Variants in ADAMTS13 observed in about 807,000 individuals in gnomAD.
ADAMTS13 encodes the protein A disintegrin and metalloproteinase with thrombospondin motifs 13.
ADAMTS13 carries 110 observed loss-of-function variants against 155.1 expected under a neutral mutation model. The ratio of observed to expected loss-of-function variants is 0.71; its 90% CI spans 0.61 to 0.83. The LOEUF (loss-of-function observed/expected upper bound fraction) is 0.83, where lower values mean the gene tolerates loss of function less well. ADAMTS13 is among the 40% of genes least tolerant of loss of function. The pLI is 0.00. For synonymous variants in ADAMTS13, 758 were observed against 756.4 expected, an observed-to-expected ratio of 1.00 and a Z score of -0.03; for missense variants, 1,707 against 1,891.7, an observed-to-expected ratio of 0.90 and a Z score of 1.81.
chr9:133,456,313 AT>A lies in ADAMTS13; in HGVS notation c.3547+100del. The A allele has an allele frequency of 6.4e-7, 1 of 1,572,750 alleles. No individual in the cohort carries two copies. The highest frequency in any genetic ancestry group is 8.7e-7 in the Non-Finnish European group (1 of 1,154,260). The stretch of plus-strand genomic sequence containing the variant: ...CCATTCCTGGCAGGAGCCCATGTGC[AT>A]TCCCACCTGTAGTTTGCATCCCATC... On this transcript the variant is annotated intron_variant, in intron 26 of 28. Coordinates refer to ENST00000355699, the MANE Select transcript of ADAMTS13 (RefSeq NM_139027.6). This position sits in a 1 kb window ranked among gnomAD's most constrained non-coding sequence, Gnocchi z 4.4.
chr9:133,428,521 T>A (rs971792424), intron 6 of ADAMTS13, 113 bp from the exon 7 acceptor site: 3 of 607,148 alleles, frequency 4.9e-6, no homozygotes, highest in Non-Finnish European at 6.8e-6. Flanking sequence ...GAAAACTCGC[T>A]GGCGCTGCGG....
chr9:133,458,250 G>T (rs1842860632), intron 28 of ADAMTS13, among the ~76,000 whole-genome samples, 156 bp downstream of exon 28: 1 of 152,182 alleles, frequency 6.6e-6, no homozygotes, highest in Non-Finnish European at 1.5e-5. Context: ...TATTCACCAA[G>T]AAATGTTTTT....
Position 133,424,605 on chromosome 9 carries a change from C to T in ADAMTS13, c.330+127C>T. On this transcript the variant is annotated intron_variant, in intron 3 of 28. Coordinates refer to ENST00000355699, the MANE Select transcript of ADAMTS13 (RefSeq NM_139027.6). This position sits in a 1 kb window ranked among gnomAD's most constrained non-coding sequence, Gnocchi z 4.3. ...TCAGGTAGAATGGCTCGGGGTTCTT[C>T]CTCTTCTCCCTCCCTCCCCTGGGTG... The T allele has an allele frequency of 7.2e-7, 1 of 1,383,506 alleles. No homozygotes were observed. 85.7% of individuals were successfully genotyped at this position (1,383,506 alleles called of 1,614,324 possible).
intron 6 of ADAMTS13, among the ~76,000 whole-genome samples, chr9:133,427,126 G>A (rs1840338947): frequency 2.6e-5 from 4 of 152,196 alleles, no homozygotes; most frequent in Admixed American, 2.6e-4. Flanking sequence ...CCTAGGGTAA[G>A]TGCAGGATTT....
intron 21 of ADAMTS13, among the ~76,000 whole-genome samples, chr9:133,447,366 A>G (rs1343811206): frequency 6.6e-6 from 1 of 152,068 alleles, no homozygotes; most frequent in Non-Finnish European, 1.5e-5. Flanking sequence ...ATCTTAGCTC[A>G]CTACAACCTC....
chr9:133,422,853 C>A (rs1253962207), intron 1 of ADAMTS13, among the ~76,000 whole-genome samples: 4 of 151,338 alleles, frequency 2.6e-5, no homozygotes, highest in African/African-American at 9.7e-5. Flanking sequence ...CCCTCTCCTT[C>A]TTGGTTGGCC....
At chr9:133,439,294 A>G (rs1841484544) in intron 14 of ADAMTS13, 72 bp from the exon 15 acceptor site, 4 of 1,220,350 alleles carry the variant, frequency 3.3e-6, no homozygotes, top group Non-Finnish European at 4.9e-6. Flanking sequence ...CGACCAGCTA[A>G]GATCAGCTCC....
At chr9:133,423,755 C>T (rs1840101102) in intron 2 of ADAMTS13, among the ~76,000 whole-genome samples, 1 of 152,200 alleles carries the variant, frequency 6.6e-6, no homozygotes, top group African/African-American at 2.4e-5. Flanking sequence ...GTGGTCTAGG[C>T]CAGAGGCACA....
chr9:133,414,342 C>G (rs183879927), upstream of ADAMTS13: 1 of 552,164 alleles, frequency 1.8e-6, no homozygotes, highest in African/African-American at 1.9e-5. Flanking sequence ...ACGTCAGAAA[C>G]TTGCCCCAAA....
chr9:133,448,324 C>A (rs898036551), intron 21 of ADAMTS13, among the ~76,000 whole-genome samples: 1 of 152,216 alleles, frequency 6.6e-6, no homozygotes, highest in Non-Finnish European at 1.5e-5. Flanking sequence ...TAACAGCTAC[C>A]ATTTGTCAAG....
At chr9:133,439,508 C>A in intron 15 of ADAMTS13, 62 bp downstream of exon 15, 1 of 1,433,902 alleles carries the variant, frequency 7.0e-7, no homozygotes, top group Non-Finnish European at 9.8e-7. Flanking sequence ...AGCACTGTTG[C>A]CAAGATGCCC....
intron 23 of ADAMTS13, among the ~76,000 whole-genome samples, chr9:133,452,797 C>G (rs1206464866): frequency 6.6e-6 from 1 of 152,186 alleles, no homozygotes; most frequent in East Asian, 1.9e-4. Flanking sequence ...GCACACACTA[C>G]ATGAGCTCTG....
At chr9:133,427,329 GTTTCT>G (rs1840353142) in intron 6 of ADAMTS13, among the ~76,000 whole-genome samples, 2 of 152,130 alleles carry the variant, frequency 1.3e-5, no homozygotes, top group African/African-American at 4.8e-5. Context: ...AGAGTGATGG[GTTTCT>G]TTTCATTTCT....
chr9:133,422,426 G>C lies in ADAMTS13; in HGVS notation c.-18G>C, dbSNP rs782338252. The C allele has an allele frequency of 6.2e-7, 1 of 1,610,484 alleles. No homozygotes were observed. Among genetic ancestry groups the C allele is most frequent in the Admixed American group, 1.7e-5 (1 of 60,012 alleles). ...CCCCTCTCACTCCGCTCCACTCCTC[G>C]GGCTGGCTCTCCTGAGGATGCACCA... On this transcript the variant is annotated 5_prime_UTR_variant, in exon 1 of 29. Coordinates refer to ENST00000355699, the MANE Select transcript of ADAMTS13 (RefSeq NM_139027.6).
At chr9:133,414,681 G>A (rs1322545687) in intron 1 of ADAMTS13, 2 of 1,613,754 alleles carry the variant, frequency 1.2e-6, no homozygotes, top group African/African-American at 2.7e-5. Context: ...GGTGGGGCTG[G>A]GGCTGCCTCC....
In ADAMTS13 at chr9:133,424,723, C is replaced by T. The variant is rs1158328836; in HGVS notation, c.330+245C>T. On this transcript the variant is annotated intron_variant, in intron 3 of 28. Transcript: ENST00000355699. The surrounding 1 kb of genome is among the most constrained non-coding windows in gnomAD (Gnocchi z 4.3). ...CTCAAGTCCCTTCACCTGGGGCCAC[C>T]CTCAAGCCTGGCCTCTTCCCCAGTA... Among the ~76,000 whole-genome samples the T allele has an allele frequency of 6.6e-6, 1 of 152,162 alleles. No individual in the cohort carries two copies. Among genetic ancestry groups the T allele is most frequent in the African/African-American group, 2.4e-5 (1 of 41,428 alleles).
intron 14 of ADAMTS13, 144 bp from the exon 15 acceptor site, chr9:133,439,222 G>T: frequency 1.4e-6 from 1 of 726,118 alleles, no homozygotes; most frequent in Non-Finnish European, 2.5e-6. Flanking sequence ...GCTTTTAATT[G>T]CCCCCATGAC....
In ADAMTS13 at chr9:133,443,365, T is replaced by C; in HGVS notation, c.2235-11T>C. 6.3e-7 allele frequency: 1 copy of C among 1,591,716 alleles called. No homozygotes were observed. ...CTGGCCAGGGTCCCGACGCTCTGTC[T>C]CCTTCCTCAGCTGGGCGGTGGGAGA... On this transcript the variant is annotated splice_polypyrimidine_tract_variant and intron_variant, in intron 18 of 28. Coordinates refer to ENST00000355699, the MANE Select transcript of ADAMTS13 (RefSeq NM_139027.6).
intron 19 of ADAMTS13, 142 bp downstream of exon 19, chr9:133,443,703 C>G (rs1841858914): frequency 1.0e-6 from 1 of 956,484 alleles, no homozygotes; most frequent in East Asian, 2.7e-5. Context: ...GCAGTGTCAC[C>G]TGGCGGTTGT....
Sources: gnomAD v4.1 joint callset for allele counts (sites outside exome capture counted in the v4.1 genomes callset) on GRCh38, gnomAD v4.1.1 for gene constraint, Gnocchi (gnomAD v3.1) non-coding constraint, MANE v1.5 for transcripts, NCBI Gene and HGNC (gene_info 2026-07-23, HGNC 2026-07-21) for gene names.